RGPD2: variants seen among roughly 807,000 people sequenced by gnomAD.
RGPD2 encodes RANBP2-like and GRIP domain-containing protein 2.
RGPD2 carries 2 observed loss-of-function variants against 36.0 expected under a neutral mutation model. That is an observed-to-expected ratio of 0.06 (90% CI 0.02 to 0.17). The LOEUF (loss-of-function observed/expected upper bound fraction) is 0.17. Among genes scored for constraint, RGPD2 ranks in the 10% least tolerant of loss-of-function variants. The pLI is 1.00. For missense variants in RGPD2, 40 were observed against 464.3 expected, an observed-to-expected ratio of 0.09 and a Z score of 8.40; for synonymous variants, 19 against 163.8, an observed-to-expected ratio of 0.12 and a Z score of 6.75.
intron 21 of RGPD2, among the ~76,000 whole-genome samples, chr2:87,772,901 T>TG (rs1279321655): frequency 6.9e-6 from 1 of 145,452 alleles, no homozygotes; most frequent in Non-Finnish European, 1.5e-5. Flanking sequence ...ATCATGGAAA[T>TG]GGAGTTGAAA....
the RGPD2 span, among the ~76,000 whole-genome samples, chr2:87,844,583 T>C: frequency 6.6e-6 from 1 of 151,098 alleles, no homozygotes; most frequent in Admixed American, 6.6e-5. Context: ...ATAATTTTTA[T>C]GTTTCGAAAT....
the RGPD2 span, among the ~76,000 whole-genome samples, chr2:87,844,807 A>T: frequency 1.4e-5 from 2 of 146,410 alleles, no homozygotes; most frequent in South Asian, 4.3e-4. Flanking sequence ...TATATTTTCT[A>T]ACCTGTAATA....
At chr2:87,830,816 G>A in the RGPD2 span, among the ~76,000 whole-genome samples, 4 of 151,966 alleles carry the variant, frequency 2.6e-5, no homozygotes, top group Admixed American at 6.6e-5. Context: ...TCACTATCAC[G>A]AGAACAGCAC....
At chr2:87,966,197 T>C in the RGPD2 span, among the ~76,000 whole-genome samples, 83 of 152,372 alleles carry the variant, frequency 5.4e-4, 1 homozygote, top group Admixed American at 2.9e-3. Flanking sequence ...CTCACAGTCT[T>C]CTAATGCCTG....
At chr2:87,912,018 G>A in the RGPD2 span, among the ~76,000 whole-genome samples, 1 of 151,766 alleles carries the variant, frequency 6.6e-6, no homozygotes, top group African/African-American at 2.4e-5. Flanking sequence ...ACATATGTCT[G>A]AATTTAAATT....
chr2:87,920,271 A>T, the RGPD2 span, among the ~76,000 whole-genome samples: 1 of 151,974 alleles, frequency 6.6e-6, no homozygotes, highest in Admixed American at 6.6e-5. Flanking sequence ...GAAAACTCTC[A>T]AGTGGGGAAA....
chr2:87,825,447 CCAGGCCGAGGCCGAGGCCGAGGCCGCCGT>C (rs1686697211), intron 1 of RGPD2, among the ~76,000 whole-genome samples, 182 bp downstream of exon 1: 6 of 118,912 alleles, frequency 5.0e-5, no homozygotes, highest in Non-Finnish European at 1.2e-4. Context: ...CGCCGCCCGG[CCAGGCCGAGGCCGAGGCCGAGGCCGCCGT>C]CGCCGCCGCC....
the RGPD2 span, among the ~76,000 whole-genome samples, chr2:87,947,876 GC>G: frequency 6.6e-6 from 1 of 152,270 alleles, no homozygotes; most frequent in African/African-American, 2.4e-5. Flanking sequence ...CGTATTTCCT[GC>G]CTTAAAGAGT....
At chr2:87,842,706 A>G in the RGPD2 span, among the ~76,000 whole-genome samples, 1 of 151,964 alleles carries the variant, frequency 6.6e-6, no homozygotes, top group South Asian at 2.1e-4. Flanking sequence ...ATTGGAAAAA[A>G]CTACTTTAAA....
chr2:87,961,791 C>T, the RGPD2 span, among the ~76,000 whole-genome samples: 3,246 of 150,790 alleles, frequency 0.022, 211 homozygotes, highest in East Asian at 0.13. Context: ...ATATGCAGGC[C>T]CCTCCAATAC....
At chr2:87,798,803 G>A (rs1254679978) in intron 8 of RGPD2, among the ~76,000 whole-genome samples, 1 of 113,296 alleles carries the variant, frequency 8.8e-6, no homozygotes, top group Non-Finnish European at 1.9e-5. Context: ...GGGAGGCGGA[G>A]CTTGCAGTGA....
intron 22 of RGPD2, among the ~76,000 whole-genome samples, chr2:87,769,776 G>A (rs1685071396): frequency 6.7e-6 from 1 of 150,100 alleles, no homozygotes; most frequent in African/African-American, 2.4e-5. Context: ...TGAGATTTCT[G>A]TCTTGTTTTT....
chr2:87,876,723 G>A, the RGPD2 span, among the ~76,000 whole-genome samples: 70 of 152,334 alleles, frequency 4.6e-4, no homozygotes, highest in Non-Finnish European at 1.2e-4. Flanking sequence ...GTATCTACCA[G>A]GTCTGCTTGA....
the RGPD2 span, among the ~76,000 whole-genome samples, chr2:87,897,671 T>G: frequency 6.6e-6 from 1 of 151,572 alleles, no homozygotes; most frequent in South Asian, 2.1e-4. Flanking sequence ...TGCCCCTCCC[T>G]GTGCCCATGT....
At chr2:87,988,744 T>C in the RGPD2 span, among the ~76,000 whole-genome samples, 1 of 151,650 alleles carries the variant, frequency 6.6e-6, no homozygotes, top group African/African-American at 2.4e-5. Flanking sequence ...TTTCACCACG[T>C]TGGCCAGGCT....
chr2:87,914,656 T>G, the RGPD2 span, among the ~76,000 whole-genome samples: 1 of 124,840 alleles, frequency 8.0e-6, no homozygotes, highest in African/African-American at 3.4e-5. Context: ...CTGAAAAATT[T>G]ATCCAGTAGT....
the RGPD2 span, among the ~76,000 whole-genome samples, chr2:87,886,268 G>C: frequency 6.6e-6 from 1 of 151,674 alleles, no homozygotes; most frequent in Non-Finnish European, 1.5e-5. Flanking sequence ...CCAGATTCTC[G>C]TCTTTACTTA....
chr2:87,866,472 T>C, the RGPD2 span, among the ~76,000 whole-genome samples: 1 of 152,080 alleles, frequency 6.6e-6, no homozygotes, highest in African/African-American at 2.4e-5. Flanking sequence ...TTTTGAATAT[T>C]ATTGATAAGG....
At chr2:87,831,397 T>C in the RGPD2 span, among the ~76,000 whole-genome samples, 1 of 152,124 alleles carries the variant, frequency 6.6e-6, no homozygotes, top group Non-Finnish European at 1.5e-5. Flanking sequence ...GATGTAATAT[T>C]TGAATATGTA....
Sources: gnomAD v4.1 joint callset for allele counts (sites outside exome capture counted in the v4.1 genomes callset) on GRCh38, gnomAD v4.1.1 for gene constraint, MANE v1.5 for transcripts, NCBI Gene and HGNC (gene_info 2026-07-23, HGNC 2026-07-21) for gene names.